The following EFCAB6 variants were observed in gnomAD, a reference collection of about 807,000 sequenced individuals.
The protein encoded by EFCAB6 is EF-hand calcium-binding domain-containing protein 6.
A neutral mutation model predicts 169.8 loss-of-function variants in EFCAB6; 156 were observed. The ratio of observed to expected loss-of-function variants is 0.92; its 90% CI spans 0.81 to 1.05. The LOEUF is 1.05. Ranked by LOEUF, EFCAB6 falls within the 50% of genes least tolerant of loss-of-function variation. The probability of loss-of-function intolerance (pLI) is 0.00; values close to 1 mark genes in which losing one functional copy is unlikely to be tolerated. For missense variants in EFCAB6, 1,800 were observed against 1,829.1 expected (o/e 0.98, Z 0.29); for synonymous variants, 698 against 676.4 (o/e 1.03, Z -0.50).
At chr22:43,676,255 A>G (rs764913105) in intron 13 of EFCAB6, among the ~76,000 whole-genome samples, 22 of 151,848 alleles carry the variant, frequency 1.4e-4, no homozygotes, top group Non-Finnish European at 2.9e-4. Context: ...GTCTCTACTA[A>G]ACATACAAAA....
chr22:43,671,590 TA>T (rs2146973336), intron 15 of EFCAB6, among the ~76,000 whole-genome samples: 1 of 152,220 alleles, frequency 6.6e-6, no homozygotes, highest in South Asian at 2.1e-4. Flanking sequence ...AAGATATTAC[TA>T]AAAAGCAAAG....
At chr22:43,638,171 C>T (rs137736) in intron 17 of EFCAB6, among the ~76,000 whole-genome samples, 16,760 of 152,206 alleles carry the variant, frequency 0.11, 979 homozygotes, top group Admixed American at 0.12. Context: ...ATGCCTCTTC[C>T]GAGGCTCCCC....
chr22:43,569,125 G>A (rs1320865667), intron 26 of EFCAB6, among the ~76,000 whole-genome samples: 2 of 152,230 alleles, frequency 1.3e-5, no homozygotes, highest in Non-Finnish European at 1.5e-5. Flanking sequence ...AACCGGGGTT[G>A]GAGGGGGACT....
intron 24 of EFCAB6, among the ~76,000 whole-genome samples, chr22:43,586,288 G>A (rs1405610402): frequency 6.7e-6 from 1 of 150,206 alleles, no homozygotes; most frequent in Non-Finnish European, 1.5e-5. Context: ...TTACTTAAAG[G>A]TGGGCTTAGG....
intron 17 of EFCAB6, among the ~76,000 whole-genome samples, chr22:43,638,629 C>T (rs1017009391): frequency 6.6e-6 from 1 of 152,200 alleles, no homozygotes; most frequent in Admixed American, 6.5e-5. Flanking sequence ...GTGTGTGTGA[C>T]ACTTGTTTGC....
At chr22:43,626,708 C>T in intron 19 of EFCAB6, 29 bp from the exon 20 acceptor site, 1 of 1,610,702 alleles carries the variant, frequency 6.2e-7, no homozygotes, top group Non-Finnish European at 8.5e-7. Flanking sequence ...CGTCAAAGCC[C>T]TTCCCCAAGA....
rs139000367 is a variant in EFCAB6 at position 43,672,279 on chromosome 22, A to G, written c.1446T>C (p.Asp482=). ...AGGCCAGGAGGAAAGGTGTCTTAGC[A>G]TCTGTACAGGGAGATGTCTTTCTCA... ...CRMRKTSPCT[D]AKTPFLLAWD... The change falls in exon 14 of 32, where the codon GAT becomes GAC. Residue 482 remains aspartate, a synonymous_variant. Coordinates refer to ENST00000262726, the MANE Select transcript of EFCAB6 (RefSeq NM_022785.4). 1.2e-5 allele frequency: 20 copies of G among 1,614,056 alleles called. No homozygotes were observed. The highest frequency in any genetic ancestry group is 5.3e-5 in the African/African-American group (4 of 74,942).
chr22:43,632,687 C>A (rs1263678260), intron 18 of EFCAB6, among the ~76,000 whole-genome samples: 20 of 152,146 alleles, frequency 1.3e-4, no homozygotes, highest in Non-Finnish European at 2.9e-4. Context: ...GTGAGTTGAA[C>A]ACAGCATTGA....
At chr22:43,656,493 A>T (rs959073065) in intron 17 of EFCAB6, among the ~76,000 whole-genome samples, 16 of 152,204 alleles carry the variant, frequency 1.1e-4, no homozygotes, top group African/African-American at 3.9e-4. Flanking sequence ...GCTGTTATGG[A>T]CCGCATAATG....
At chr22:43,755,180 C>A (rs1409254640) in intron 6 of EFCAB6, among the ~76,000 whole-genome samples, 1 of 152,162 alleles carries the variant, frequency 6.6e-6, no homozygotes, top group African/African-American at 2.4e-5. Flanking sequence ...AACTGACAGG[C>A]CCAAATGCAT....
chr22:43,798,532 G>A (rs937224165), intron 2 of EFCAB6, among the ~76,000 whole-genome samples: 1 of 152,100 alleles, frequency 6.6e-6, no homozygotes, highest in Non-Finnish European at 1.5e-5. Flanking sequence ...AACGACCTCT[G>A]TTGTCCTTCA....
At chr22:43,631,394 G>A (rs964375235) in intron 19 of EFCAB6, among the ~76,000 whole-genome samples, 4 of 151,784 alleles carry the variant, frequency 2.6e-5, no homozygotes, top group African/African-American at 7.3e-5. Flanking sequence ...CAACTTGCAC[G>A]CGCCACGCAC....
intron 10 of EFCAB6, among the ~76,000 whole-genome samples, chr22:43,690,858 A>G (rs1297594933): frequency 6.6e-6 from 1 of 151,900 alleles, no homozygotes; most frequent in Non-Finnish European, 1.5e-5. Context: ...TCTCAATGCA[A>G]TAACTGTTTC....
At chr22:43,690,377 A>C (rs889795927) in intron 10 of EFCAB6, among the ~76,000 whole-genome samples, 1 of 147,096 alleles carries the variant, frequency 6.8e-6, no homozygotes, top group African/African-American at 2.5e-5. Flanking sequence ...TTAGCCGGGC[A>C]TGGTGGCGGG....
intron 5 of EFCAB6, among the ~76,000 whole-genome samples, chr22:43,758,602 G>C (rs891016046): frequency 2.0e-5 from 3 of 152,018 alleles, no homozygotes; most frequent in African/African-American, 7.2e-5. Flanking sequence ...AGACATTTTT[G>C]TAACCACCTT....
At chr22:43,584,366 C>T (rs2050920865) in intron 24 of EFCAB6, among the ~76,000 whole-genome samples, 1 of 152,126 alleles carries the variant, frequency 6.6e-6, no homozygotes. Context: ...GTAATCTTGG[C>T]AAATTCGTAG....
intron 24 of EFCAB6, among the ~76,000 whole-genome samples, chr22:43,582,107 G>A (rs2050764860): frequency 6.6e-6 from 1 of 152,154 alleles, no homozygotes; most frequent in Non-Finnish European, 1.5e-5. Context: ...GTGGGCTTCA[G>A]AAATCCCAGT....
intron 2 of EFCAB6, among the ~76,000 whole-genome samples, chr22:43,806,419 T>A (rs2062925768): frequency 6.6e-6 from 1 of 151,950 alleles, no homozygotes; most frequent in South Asian, 2.1e-4. Flanking sequence ...CACACCTGCC[T>A]AATTTTTGTA....
chr22:43,755,690 T>C, intron 6 of EFCAB6, 76 bp downstream of exon 6: 7 of 1,331,062 alleles, frequency 5.3e-6, no homozygotes, highest in Non-Finnish European at 7.2e-6. Flanking sequence ...TCATTTTCTA[T>C]CATCTACCTC....
Sources: allele counts gnomAD v4.1 joint callset (sites outside exome capture counted in the v4.1 genomes callset), GRCh38; gene constraint gnomAD v4.1.1; transcripts MANE v1.5; gene names NCBI Gene and HGNC (gene_info 2026-07-23, HGNC 2026-07-21).